The following GPAM variants were observed in gnomAD, a reference collection of about 807,000 sequenced individuals.
GPAM encodes glycerol-3-phosphate acyltransferase 1, mitochondrial.
In GPAM, 56 loss-of-function variants were observed where a neutral mutation model predicts 105.0. The observed-to-expected ratio is 0.53, with a 90% CI of 0.43 to 0.67. The LOEUF (loss-of-function observed/expected upper bound fraction) is 0.67, where lower values mean the gene tolerates loss of function less well. Among genes scored for constraint, GPAM ranks in the 30% least tolerant of loss-of-function variants. The probability of loss-of-function intolerance (pLI) is 0.00; values close to 1 mark genes in which losing one functional copy is unlikely to be tolerated. For missense variants in GPAM, 855 were observed against 989.8 expected, an observed-to-expected ratio of 0.86 and a Z score of 1.83; for synonymous variants, 368 against 354.4, an observed-to-expected ratio of 1.04 and a Z score of -0.43.
chr10:112,178,935 A>C (rs1217351113), intron 4 of GPAM, among the ~76,000 whole-genome samples: 1 of 152,220 alleles, frequency 6.6e-6, no homozygotes, highest in Non-Finnish European at 1.5e-5. Flanking sequence ...ATCTTGAAAG[A>C]TAATCCAGAG....
At chr10:112,218,289 G>T (rs1360327815), upstream of GPAM, among the ~76,000 whole-genome samples, 1 of 152,192 alleles carries the variant, frequency 6.6e-6, no homozygotes, top group Non-Finnish European at 1.5e-5. Context: ...ATGGATTAAG[G>T]ATCATGGGAG....
intron 1 of GPAM, among the ~76,000 whole-genome samples, chr10:112,199,130 TA>T: frequency 6.7e-6 from 1 of 149,998 alleles, no homozygotes; most frequent in Non-Finnish European, 1.5e-5. Context: ...TGTGTGTGTG[TA>T]TTTTAGTAGA....
chr10:112,181,740 A>G lies in GPAM; in HGVS notation c.45T>C (p.Tyr15=), dbSNP rs767279021. The G allele has an allele frequency of 1.2e-6, 2 of 1,610,596 alleles. No homozygotes were observed. Among genetic ancestry groups the G allele is most frequent in the African/African-American group, 2.7e-5 (2 of 74,848 alleles). Residue 15 remains tyrosine (Y), a synonymous_variant, in exon 3 of 22, where the codon TAT becomes TAC. Transcript: ENST00000348367. ...ALTLGTIDVS[Y]LPHSSEYSVG... ...CACTGTATTCTGATGAATGTGGCAG[A>G]TAAGAAACATCTATTGTACCAAGGG... is the stretch of plus-strand genomic sequence containing the variant.
At chr10:112,200,244 T>TATATATATATATAG in intron 1 of GPAM, among the ~76,000 whole-genome samples, 1 of 123,562 alleles carries the variant, frequency 8.1e-6, no homozygotes, top group African/African-American at 3.1e-5. Flanking sequence ...TATATATATA[T>TATATATATATATAG]AGAGAGAGAG....
chr10:112,183,919 A>G (rs1228332294), upstream of GPAM, among the ~76,000 whole-genome samples: 4 of 152,104 alleles, frequency 2.6e-5, no homozygotes, highest in East Asian at 7.7e-4. Flanking sequence ...GTGGCTAAAG[A>G]TAGTGTGTGA....
intron 11 of GPAM, 97 bp downstream of exon 11, chr10:112,168,215 C>CA (rs1050637689): frequency 1.8e-5 from 14 of 766,278 alleles, no homozygotes; most frequent in East Asian, 5.3e-5. Flanking sequence ...TAGGGAGTAC[C>CA]AAAAAAAATT....
intron 1 of GPAM, among the ~76,000 whole-genome samples, chr10:112,190,513 A>AAAC (rs1554848012): frequency 6.6e-6 from 1 of 150,834 alleles, no homozygotes; most frequent in African/African-American, 2.4e-5. Context: ...AAAAAAAAAA[A>AAAC]AGAAAAGAAA....
rs1011228782 is a variant in GPAM at position 112,150,510 on chromosome 10, A to G, written c.*3040T>C. On this transcript the variant is annotated 3_prime_UTR_variant, in exon 22 of 22. Coordinates refer to ENST00000348367, the MANE Select transcript of GPAM (RefSeq NM_001244949.2). ...ACACTGGACGTTACAAAATGCATGC[A>G]TATTCTGCCCCAGTGCTATCTGTTC... 1 of 985,464 alleles carries G rather than the reference A, an allele frequency of 1.0e-6. No individual in the cohort carries two copies. Among genetic ancestry groups the G allele is most frequent in the Non-Finnish European group, 1.2e-6 (1 of 829,710 alleles). The allele number at this position is 985,464 out of a possible 1,614,324, so 61.0% of individuals were successfully genotyped here.
chr10:112,150,882 T>C lies in GPAM; in HGVS notation c.*2668A>G, dbSNP rs1295326911. ...ATTCCACAATTTGGGCTTACATTCA[T>C]TGTAATCCCAGAAATATTTTCTCCA... On this transcript the variant is annotated 3_prime_UTR_variant, in exon 22 of 22. Transcript: ENST00000348367. 2 of 984,770 alleles carry C rather than the reference T, an allele frequency of 2.0e-6. No homozygotes were observed. Among genetic ancestry groups the C allele is most frequent in the Non-Finnish European group, 2.4e-6 (2 of 829,408 alleles). The allele number at this position is 984,770 out of a possible 1,614,324, so 61.0% of individuals were successfully genotyped here.
At chr10:112,174,874 A>AG (rs1326270110) in intron 6 of GPAM, among the ~76,000 whole-genome samples, 1 of 152,210 alleles carries the variant, frequency 6.6e-6, no homozygotes, top group African/African-American at 2.4e-5. Context: ...AGCATTGTTC[A>AG]GGCCTTAACA....
upstream of GPAM, among the ~76,000 whole-genome samples, chr10:112,188,330 T>C (rs554768116): frequency 6.6e-6 from 1 of 152,270 alleles, no homozygotes; most frequent in Non-Finnish European, 1.5e-5. Flanking sequence ...ATTATTGATA[T>C]TAGGAACAAG....
chr10:112,160,706 C>T lies in GPAM; in HGVS notation c.1657G>A (p.Asp553Asn). ...GTGCTGGGGGTGATAAAAAACTCATCGTTCCTGCTAGTGTGGGTGATTGTG... is the reference window on the plus strand; with the variant it reads ...GTGCTGGGGGTGATAAAAAACTCATTGTTCCTGCTAGTGTGGGTGATTGTG... ...CVTITHTSRNDEFFITPSTTV... is the reference protein window; with the variant it reads ...CVTITHTSRNNEFFITPSTTV... The change falls in exon 16 of 22, where the codon GAT becomes AAT. Residue 553 changes from aspartate to asparagine, a missense_variant. Transcript: ENST00000348367. 1 of 1,613,966 alleles carries T rather than the reference C, an allele frequency of 6.2e-7. No individual in the cohort carries two copies. Among genetic ancestry groups the T allele is most frequent in the Non-Finnish European group, 8.5e-7 (1 of 1,179,876 alleles).
At chr10:112,172,896 C>A in intron 8 of GPAM, 74 bp downstream of exon 8, 1 of 838,280 alleles carries the variant, frequency 1.2e-6, no homozygotes, top group Non-Finnish European at 2.1e-6. Context: ...CACAAGAAAA[C>A]ATTTCCACAA....
At chr10:112,161,952 CTAAG>C (rs1350348891) in intron 14 of GPAM, among the ~76,000 whole-genome samples, 1 of 152,142 alleles carries the variant, frequency 6.6e-6, no homozygotes, top group Non-Finnish European at 1.5e-5. Flanking sequence ...ATACAACAGG[CTAAG>C]TAAGACAGGT....
At chr10:112,168,255 A>T (rs1472943068) in intron 11 of GPAM, 57 bp downstream of exon 11, 13 of 1,021,570 alleles carry the variant, frequency 1.3e-5, no homozygotes, top group Non-Finnish European at 1.9e-5. Context: ...GTAAATTCTA[A>T]AAGTTAAATC....
chr10:112,204,579 C>T (rs972252653), intron 1 of GPAM, among the ~76,000 whole-genome samples: 1 of 150,896 alleles, frequency 6.6e-6, no homozygotes, highest in African/African-American at 2.4e-5. Context: ...GTTCTGACAA[C>T]AGTGTGAAAA....
In GPAM at chr10:112,159,966, A is replaced by G. The variant is rs1314911164; in HGVS notation, c.1847T>C (p.Val616Ala). ...GTAGCACAGGCTGGCCGCCTTCCGC[A>G]CCAGCTGCTCCTGGCTGATCAGGTT... is the stretch of plus-strand genomic sequence containing the variant. Reference protein sequence around the residue: ...PPNLISQEQLVRKAASLCYLL... With the variant: ...PPNLISQEQLARKAASLCYLL... Residue 616 changes from valine to alanine, a missense_variant, in exon 17 of 22, where the codon GTG becomes GCG. Physicochemically the swap from Val to Ala is moderately conservative, Grantham distance 64. Transcript: ENST00000348367. 1 of 1,614,006 alleles carries G rather than the reference A, an allele frequency of 6.2e-7. No individual in the cohort carries two copies. Among genetic ancestry groups the G allele is most frequent in the East Asian group, 2.2e-5 (1 of 44,878 alleles).
In GPAM at chr10:112,153,505, G is replaced by A. The variant is rs750493652; in HGVS notation, c.*45C>T. Reference sequence around the variant, plus strand: ...TGAGCCAGAAGCTGGTACCTACAAGGAACTCATCTCATGACCTTCATTTGC... The same window carrying A: ...TGAGCCAGAAGCTGGTACCTACAAGAAACTCATCTCATGACCTTCATTTGC... On this transcript the variant is annotated 3_prime_UTR_variant, in exon 22 of 22. Coordinates refer to ENST00000348367, the MANE Select transcript of GPAM (RefSeq NM_001244949.2). 1.2e-6 allele frequency: 2 copies of A among 1,612,544 alleles called. No homozygotes were observed. The highest frequency in any genetic ancestry group is 1.7e-6 in the Non-Finnish European group (2 of 1,179,156).
chr10:112,173,849 G>A lies in GPAM; in HGVS notation c.414-4C>T, dbSNP rs1279100840. 3 of 1,607,288 alleles carry A rather than the reference G, an allele frequency of 1.9e-6. No individual in the cohort carries two copies. The highest frequency in any genetic ancestry group is 2.6e-6 in the Non-Finnish European group (3 of 1,173,838). ...TTCTGCAATTGCCTCTTGTACTCTG[G>A]TATGAAAATGGAAAAAGAGACAATG... On this transcript the variant is annotated splice_region_variant and splice_polypyrimidine_tract_variant and intron_variant, in intron 6 of 21. Transcript: ENST00000348367.
Sources: allele counts gnomAD v4.1 joint callset (sites outside exome capture counted in the v4.1 genomes callset), GRCh38; gene constraint gnomAD v4.1.1; transcripts MANE v1.5; gene names NCBI Gene and HGNC (gene_info 2026-07-23, HGNC 2026-07-21).